The following KHDRBS1 variants were observed in gnomAD, a reference collection of about 807,000 sequenced individuals.
KHDRBS1 encodes the protein KH RNA binding domain containing, signal transduction associated 1.
Under a neutral mutation model 48.4 loss-of-function variants are expected in KHDRBS1, and 7 were observed. The ratio of observed to expected loss-of-function variants is 0.14; its 90% CI spans 0.08 to 0.27. The LOEUF (loss-of-function observed/expected upper bound fraction) is 0.27, where lower values mean the gene tolerates loss of function less well. Ranked by LOEUF, KHDRBS1 falls within the 10% of genes least tolerant of loss-of-function variation. The pLI, the probability that KHDRBS1 is intolerant of heterozygous loss-of-function variation, is 1.00. For missense variants in KHDRBS1, 458 were observed against 601.2 expected, an observed-to-expected ratio of 0.76 and a Z score of 2.49; for synonymous variants, 241 against 235.8, an observed-to-expected ratio of 1.02 and a Z score of -0.20.
intron 7 of KHDRBS1, among the ~76,000 whole-genome samples, chr1:32,039,287 C>A (rs769858533): frequency 2.0e-5 from 3 of 152,074 alleles, no homozygotes; most frequent in Non-Finnish European, 4.4e-5. Context: ...TGTGCTTTTT[C>A]ACTTTATATT....
chr1:32,059,237 G>A (rs977962123), intron 10 of KHDRBS1, among the ~76,000 whole-genome samples: 2 of 151,380 alleles, frequency 1.3e-5, no homozygotes, highest in Non-Finnish European at 2.9e-5. Context: ...GTTACTGACT[G>A]GAACAACTAA....
At chr1:32,043,998 G>T (rs1189455358), downstream of KHDRBS1, 2 of 152,374 alleles carry the variant, frequency 1.3e-5, no homozygotes, top group African/African-American at 2.4e-5. Flanking sequence ...TCTTAAAAGT[G>T]GTGGGGGGGA....
chr1:32,035,498 G>A (rs16834842), intron 4 of KHDRBS1, among the ~76,000 whole-genome samples: 5,721 of 152,332 alleles, frequency 0.038, 348 homozygotes, highest in African/African-American at 0.13. Context: ...AGATTTGCCA[G>A]TGGCATTTGA....
At chr1:32,038,706 C>T in intron 7 of KHDRBS1, 87 bp downstream of exon 7, 1 of 1,300,668 alleles carries the variant, frequency 7.7e-7, no homozygotes, top group Non-Finnish European at 1.1e-6. Context: ...CAGTACAACC[C>T]TAAGGAGCAG....
intron 3 of KHDRBS1, among the ~76,000 whole-genome samples, chr1:32,031,942 T>G (rs1015534055): frequency 3.3e-5 from 5 of 152,158 alleles, no homozygotes; most frequent in Admixed American, 6.5e-5. Flanking sequence ...AAAGGGGAAC[T>G]GAATATACTA....
At chr1:32,016,985 C>T (rs1436461972) in intron 1 of KHDRBS1, among the ~76,000 whole-genome samples, 1 of 152,124 alleles carries the variant, frequency 6.6e-6, no homozygotes, top group African/African-American at 2.4e-5. Context: ...CAGCCGTGCA[C>T]GGTGGCTCAC....
chr1:32,056,769 T>C (rs1256625394), intron 10 of KHDRBS1, among the ~76,000 whole-genome samples: 2 of 152,188 alleles, frequency 1.3e-5, no homozygotes, highest in Non-Finnish European at 1.5e-5. Flanking sequence ...TTTCTAAGCT[T>C]CTCTCTAGAA....
chr1:32,034,419 G>T (rs919994161), intron 4 of KHDRBS1, among the ~76,000 whole-genome samples: 2 of 152,128 alleles, frequency 1.3e-5, no homozygotes, highest in Non-Finnish European at 1.5e-5. Flanking sequence ...AATTAGCCGG[G>T]CGTGGTGGCA....
chr1:32,059,725 T>C (rs1350241250), intron 10 of KHDRBS1, among the ~76,000 whole-genome samples: 1 of 152,136 alleles, frequency 6.6e-6, no homozygotes, highest in Non-Finnish European at 1.5e-5. Flanking sequence ...TTACCAATAA[T>C]AGTGATAATA....
At chr1:32,017,898 C>T (rs1183381777) in intron 1 of KHDRBS1, among the ~76,000 whole-genome samples, 2 of 151,936 alleles carry the variant, frequency 1.3e-5, no homozygotes, top group African/African-American at 4.8e-5. Context: ...TGAGCCACTG[C>T]GCCCGGCCTA....
chr1:32,019,769 T>TTTTG (rs201048538), intron 1 of KHDRBS1, among the ~76,000 whole-genome samples: 9 of 152,002 alleles, frequency 5.9e-5, no homozygotes, highest in East Asian at 1.9e-4. Context: ...GGTTTTGTTT[T>TTTTG]TTTGTTTGTT....
At chr1:32,037,117 T>C in intron 5 of KHDRBS1, 74 bp downstream of exon 5, 1 of 1,505,434 alleles carries the variant, frequency 6.6e-7, no homozygotes, top group Non-Finnish European at 9.1e-7. Context: ...GTGGTGCTCT[T>C]ATGTCTAGCT....
chr1:32,035,540 G>C (rs1000185792), intron 4 of KHDRBS1, among the ~76,000 whole-genome samples: 6 of 152,184 alleles, frequency 3.9e-5, no homozygotes, highest in African/African-American at 1.4e-4. Flanking sequence ...AGAAAAGTGA[G>C]GCTATTTTTG....
intron 10 of KHDRBS1, among the ~76,000 whole-genome samples, chr1:32,059,040 C>T (rs1297008156): frequency 6.6e-6 from 1 of 151,614 alleles, no homozygotes; most frequent in African/African-American, 2.4e-5. Flanking sequence ...GCCTGTAATC[C>T]CGGCTACTTG....
At chr1:32,040,974 G>C (rs777176876) in intron 8 of KHDRBS1, among the ~76,000 whole-genome samples, 1 of 152,154 alleles carries the variant, frequency 6.6e-6, no homozygotes, top group Non-Finnish European at 1.5e-5. Context: ...CACTGTGTGT[G>C]ATTGCACCCA....
intron 10 of KHDRBS1, among the ~76,000 whole-genome samples, chr1:32,058,384 G>A (rs1639506147): frequency 6.6e-6 from 1 of 152,098 alleles, no homozygotes; most frequent in Non-Finnish European, 1.5e-5. Context: ...ACAGGTGTGA[G>A]CCACTGCACC....
intron 10 of KHDRBS1, among the ~76,000 whole-genome samples, chr1:32,057,813 G>A (rs938288992): frequency 1.3e-4 from 19 of 146,792 alleles, no homozygotes; most frequent in Admixed American, 5.5e-4. Flanking sequence ...AAAAAAAAGA[G>A]AGAGAGAGAT....
At chr1:32,046,876 G>A (rs1472703882), downstream of KHDRBS1, among the ~76,000 whole-genome samples, 3 of 152,166 alleles carry the variant, frequency 2.0e-5, no homozygotes, top group Non-Finnish European at 4.4e-5. Flanking sequence ...CTGGGCACCT[G>A]GCAAGTCCTA....
intron 1 of KHDRBS1, among the ~76,000 whole-genome samples, chr1:32,016,949 A>G (rs537755325): frequency 2.0e-5 from 3 of 152,296 alleles, no homozygotes; most frequent in Admixed American, 2.0e-4. Flanking sequence ...CCTTCATTGA[A>G]GATGGGACTG....
Sources: gnomAD v4.1 joint callset for allele counts (sites outside exome capture counted in the v4.1 genomes callset) on GRCh38, gnomAD v4.1.1 for gene constraint, MANE v1.5 for transcripts, NCBI Gene and HGNC (gene_info 2026-07-23, HGNC 2026-07-21) for gene names.